ATP8A2: variants seen among roughly 807,000 people sequenced by gnomAD.
The protein encoded by ATP8A2 is ATPase phospholipid transporting 8A2.
ATP8A2 carries 100 observed loss-of-function variants against 165.6 expected under a neutral mutation model. The ratio of observed to expected loss-of-function variants is 0.60; its 90% CI spans 0.51 to 0.71. The LOEUF is 0.71. Among genes scored for constraint, ATP8A2 ranks in the 30% least tolerant of loss-of-function variants. The pLI, the probability that ATP8A2 is intolerant of heterozygous loss-of-function variation, is 0.00. For missense variants in ATP8A2, 1,227 were observed against 1,479.5 expected, an observed-to-expected ratio of 0.83 and a Z score of 2.80; for synonymous variants, 543 against 548.8, an observed-to-expected ratio of 0.99 and a Z score of 0.15.
At position 26,021,969 on chromosome 13, in the gene ATP8A2, T is replaced by C. The variant is rs1957087815; in HGVS notation, c.*1984T>C. On this transcript the variant is annotated 3_prime_UTR_variant, in exon 37 of 37. Transcript: ENST00000381655. ...GACTAAGAAAACTCATCCTCACTTA[T>C]GAGGTGACCAGGATGCAGAGAGGGC... The C allele has an allele frequency of 6.6e-6, 1 of 152,192 alleles. No individual in the cohort carries two copies. The highest frequency in any genetic ancestry group is 6.5e-5 in the Admixed American group (1 of 15,272). The allele number at this position is 152,192 out of a possible 1,614,324, so 9.4% of individuals were successfully genotyped here.
chr13:25,844,451 G>A (rs1404408839), intron 30 of ATP8A2, among the ~76,000 whole-genome samples: 14 of 152,056 alleles, frequency 9.2e-5, no homozygotes, highest in African/African-American at 3.1e-4. Flanking sequence ...GGCTGGTCTC[G>A]AACTCCTGAC....
At chr13:25,847,686 C>G (rs1427657898) in intron 30 of ATP8A2, among the ~76,000 whole-genome samples, 1 of 152,148 alleles carries the variant, frequency 6.6e-6, no homozygotes. Context: ...GTGCATTGTT[C>G]GCGGGTGTGT....
At chr13:26,006,915 T>C (rs934107871) in intron 35 of ATP8A2, among the ~76,000 whole-genome samples, 1 of 151,950 alleles carries the variant, frequency 6.6e-6, no homozygotes, top group African/African-American at 2.4e-5. Context: ...CTTAGTTTGC[T>C]AGTATTTTGT....
intron 24 of ATP8A2, among the ~76,000 whole-genome samples, chr13:25,649,490 G>A (rs974033311): frequency 1.3e-5 from 2 of 152,186 alleles, no homozygotes; most frequent in Non-Finnish European, 2.9e-5. Context: ...AGAAATGCAT[G>A]GTTGAAGTTT....
chr13:25,681,187 A>C (rs1482490216), intron 24 of ATP8A2, among the ~76,000 whole-genome samples: 1 of 152,216 alleles, frequency 6.6e-6, no homozygotes, highest in Non-Finnish European at 1.5e-5. Flanking sequence ...AACAGACTTG[A>C]CAATATTGAG....
intron 33 of ATP8A2, among the ~76,000 whole-genome samples, chr13:25,870,213 A>G (rs1952637180): frequency 1.3e-5 from 2 of 152,088 alleles, no homozygotes; most frequent in East Asian, 3.9e-4. Context: ...CTGGCTTTCC[A>G]GTGTTCCTCT....
intron 2 of ATP8A2, among the ~76,000 whole-genome samples, chr13:25,518,769 A>C (rs959881312): frequency 2.0e-5 from 3 of 152,176 alleles, no homozygotes; most frequent in African/African-American, 7.2e-5. Flanking sequence ...ACCCAGACCC[A>C]TATTTTGCCA....
rs559656901 is a variant in ATP8A2, at chr13:25,499,393, G to A, written c.221+30272G>A. The stretch of plus-strand genomic sequence containing the variant: ...CAGAACATGAGATTTGGAGCCAGAC[G>A]CACTTGGCCCTGATAACACAGACAC... On this transcript the variant is annotated intron_variant, in intron 2 of 36. Transcript: ENST00000381655. Among the ~76,000 whole-genome samples, 76 of 152,290 alleles carry A rather than the reference G, an allele frequency of 5.0e-4. No homozygotes were observed. The South Asian group carries it at 7.0e-3, about 14-fold the overall frequency.
chr13:25,530,047 G>A lies in ATP8A2; in HGVS notation c.270G>A (p.Glu90=). 6.2e-7 allele frequency: 1 copy of A among 1,613,154 alleles called. No homozygotes were observed. The highest frequency in any genetic ancestry group is 8.5e-7 in the Non-Finnish European group (1 of 1,179,342). The change falls in exon 3 of 37, where the codon GAG becomes GAA. Residue 90 remains glutamate, a synonymous_variant. Transcript: ENST00000381655. ...VLTFLPRFLY[E]QIRRAANAFF... ...CATTTCTACCTCGATTCTTGTATGAGCAGATTAGAAGAGCTGCTAATGCCT... is the reference window on the plus strand; with the variant it reads ...CATTTCTACCTCGATTCTTGTATGAACAGATTAGAAGAGCTGCTAATGCCT...
At chr13:25,966,504 T>C (rs3783139) in intron 34 of ATP8A2, among the ~76,000 whole-genome samples, 15,644 of 152,240 alleles carry the variant, frequency 0.1, 1,491 homozygotes, top group East Asian at 0.5. Context: ...AGCCTCCCTT[T>C]ACTCAGGTGC....
At chr13:25,717,078 G>C (rs1477272284) in intron 25 of ATP8A2, among the ~76,000 whole-genome samples, 1 of 152,212 alleles carries the variant, frequency 6.6e-6, no homozygotes. Context: ...ACTATCACCA[G>C]TGAGTCTTCA....
At chr13:25,685,210 C>T (rs1216795896) in intron 24 of ATP8A2, among the ~76,000 whole-genome samples, 4 of 152,190 alleles carry the variant, frequency 2.6e-5, no homozygotes, top group Non-Finnish European at 5.9e-5. Flanking sequence ...GCCCAGTCCC[C>T]TTTGCTTCTG....
intron 2 of ATP8A2, among the ~76,000 whole-genome samples, chr13:25,480,930 G>C (rs2036172221): frequency 6.6e-6 from 1 of 152,130 alleles, no homozygotes; most frequent in South Asian, 2.1e-4. Flanking sequence ...GAGGCTGGTG[G>C]ATCACTCGCG....
At chr13:25,782,652 A>G (rs1012830338) in intron 27 of ATP8A2, among the ~76,000 whole-genome samples, 2 of 152,244 alleles carry the variant, frequency 1.3e-5, no homozygotes. Context: ...ATCCTCTTGT[A>G]TACTTTACAT....
chr13:25,773,120 G>T (rs2044662270), intron 26 of ATP8A2, among the ~76,000 whole-genome samples: 2 of 152,126 alleles, frequency 1.3e-5, no homozygotes, highest in African/African-American at 4.8e-5. Flanking sequence ...AACTGCAAAA[G>T]AATTTCTAAT....
At chr13:25,963,336 G>A (rs1009466493) in intron 34 of ATP8A2, among the ~76,000 whole-genome samples, 26 of 150,950 alleles carry the variant, frequency 1.7e-4, no homozygotes, top group Non-Finnish European at 2.8e-4. Context: ...AGAGGTTGCA[G>A]TGAGCTGAGA....
Position 25,885,730 on chromosome 13 carries a change from A to G in ATP8A2, c.3183+23322A>G, listed in dbSNP as rs1953130115. On this transcript the variant is annotated intron_variant, in intron 33 of 36. Coordinates refer to ENST00000381655, the MANE Select transcript of ATP8A2 (RefSeq NM_016529.6). The stretch of plus-strand genomic sequence containing the variant: ...ACAATCAGAAACTGATATGAGGGGA[A>G]TTCAATCAGAGCAGGGTATTTGTGG... 1.3e-5 allele frequency among the ~76,000 whole-genome samples: 2 copies of G among 152,206 alleles called. 1 individual carries two copies. Among genetic ancestry groups the G allele is most frequent in the South Asian group, 4.1e-4 (2 of 4,832 alleles).
chr13:25,767,026 G>A (rs957226549), intron 25 of ATP8A2, among the ~76,000 whole-genome samples: 12 of 152,188 alleles, frequency 7.9e-5, no homozygotes, highest in African/African-American at 2.7e-4. Flanking sequence ...AATGTGTGGT[G>A]CACAGGAAAA....
chr13:25,919,544 C>T (rs1954378659), intron 33 of ATP8A2, among the ~76,000 whole-genome samples: 1 of 151,926 alleles, frequency 6.6e-6, no homozygotes, highest in African/African-American at 2.4e-5. Flanking sequence ...GGATTCTCTA[C>T]CCCTCCTCCA....
Sources: allele counts gnomAD v4.1 joint callset (sites outside exome capture counted in the v4.1 genomes callset), GRCh38; gene constraint gnomAD v4.1.1; transcripts MANE v1.5; gene names NCBI Gene and HGNC (gene_info 2026-07-23, HGNC 2026-07-21).